Variants in SSPN observed in about 807,000 individuals in gnomAD.
The protein encoded by SSPN is K-ras oncogene-associated protein.
SSPN carries 15 observed loss-of-function variants against 19.1 expected under a neutral mutation model. The ratio of observed to expected loss-of-function variants is 0.78; its 90% confidence interval spans 0.52 to 1.21. The LOEUF is 1.21. Among genes scored for constraint, SSPN ranks in the 50% most tolerant of loss-of-function variants. The pLI is 0.00. For missense variants in SSPN, 291 were observed against 314.0 expected, an observed-to-expected ratio of 0.93 and a Z score of 0.55; for synonymous variants, 147 against 140.3, an observed-to-expected ratio of 1.05 and a Z score of -0.34.
chr12:26,203,228 T>C (rs1164808428), intron 1 of SSPN, among the ~76,000 whole-genome samples: 1 of 152,200 alleles, frequency 6.6e-6, no homozygotes, highest in African/African-American at 2.4e-5. Flanking sequence ...AATCTAGTCA[T>C]TAAACTTTAA....
chr12:26,213,471 C>A (rs1254066914), intron 1 of SSPN, among the ~76,000 whole-genome samples: 1 of 151,754 alleles, frequency 6.6e-6, no homozygotes, highest in Non-Finnish European at 1.5e-5. Flanking sequence ...TTCACTAGAC[C>A]CAGAGCTAAC....
At chr12:26,214,443 T>G (rs1945025228) in intron 1 of SSPN, among the ~76,000 whole-genome samples, 1 of 152,206 alleles carries the variant, frequency 6.6e-6, no homozygotes, top group Non-Finnish European at 1.5e-5. Flanking sequence ...TGATATACAG[T>G]ATATTTGCTA....
intron 1 of SSPN, among the ~76,000 whole-genome samples, chr12:26,152,729 A>C (rs1196747257): frequency 6.6e-6 from 1 of 152,292 alleles, no homozygotes; most frequent in African/African-American, 2.4e-5. Flanking sequence ...TCCACACAGG[A>C]GGCAGTCATA....
intron 1 of SSPN, among the ~76,000 whole-genome samples, chr12:26,202,214 T>A (rs1944892465): frequency 6.6e-6 from 1 of 152,208 alleles, no homozygotes; most frequent in African/African-American, 2.4e-5. Context: ...ATCCTTTTTT[T>A]ATCCAAATGT....
chr12:26,196,397 A>C (rs1288043598), intron 1 of SSPN, among the ~76,000 whole-genome samples: 1 of 152,232 alleles, frequency 6.6e-6, no homozygotes, highest in Non-Finnish European at 1.5e-5. Flanking sequence ...TGGAGTTGCC[A>C]CATTGAGTAG....
chr12:26,216,550 T>C (rs1945052343), intron 1 of SSPN, among the ~76,000 whole-genome samples: 1 of 81,932 alleles, frequency 1.2e-5, no homozygotes. Context: ...TGGTAGTTTC[T>C]TTTGCTGTGC....
At chr12:26,141,963 T>C (rs1465656238) in intron 1 of SSPN, among the ~76,000 whole-genome samples, 1 of 152,148 alleles carries the variant, frequency 6.6e-6, no homozygotes, top group Non-Finnish European at 1.5e-5. Context: ...TGGCAGGCTC[T>C]CCAGAGGAAT....
intron 1 of SSPN, among the ~76,000 whole-genome samples, chr12:26,182,152 C>T (rs1377124896): frequency 1.3e-5 from 2 of 152,154 alleles, no homozygotes; most frequent in African/African-American, 4.8e-5. Flanking sequence ...GTCCTCTACT[C>T]GTAGTAAGAC....
intron 1 of SSPN, among the ~76,000 whole-genome samples, chr12:26,217,057 A>G (rs1945060403): frequency 6.7e-6 from 1 of 149,706 alleles, no homozygotes; most frequent in Admixed American, 6.6e-5. Flanking sequence ...TGGTGATGCG[A>G]GCTCTTTTTT....
chr12:26,190,495 C>A (rs1229387922), upstream of SSPN, among the ~76,000 whole-genome samples: 1 of 152,142 alleles, frequency 6.6e-6, no homozygotes, highest in African/African-American at 2.4e-5. Context: ...AGCTGAGAGT[C>A]GAGAGATAAC....
intron 1 of SSPN, among the ~76,000 whole-genome samples, chr12:26,161,931 A>G (rs538891264): frequency 1.3e-5 from 2 of 152,328 alleles, no homozygotes; most frequent in South Asian, 4.1e-4. Context: ...CGCTCACCCC[A>G]TGCTGTGCGG....
chr12:26,122,705 G>A (rs1314095935), intron 1 of SSPN: 32 of 1,579,422 alleles, frequency 2.0e-5, no homozygotes, highest in African/African-American at 2.8e-5. Context: ...AGTCCTCCCC[G>A]GGAGGCTCCT....
chr12:26,231,217 A>G lies in SSPN; in HGVS notation c.*141A>G. 1 of 1,221,510 alleles carries G rather than the reference A, an allele frequency of 8.2e-7. No homozygotes were observed. Among genetic ancestry groups the G allele is most frequent in the Non-Finnish European group, 1.1e-6 (1 of 919,440 alleles). The allele number at this position is 1,221,510 out of a possible 1,614,324, so 75.7% of individuals were successfully genotyped here. ...AATTGAATATTTTTATATTTTTATG[A>G]AACAAAAGAGCATTTCTTCAGGTTT... On this transcript the variant is annotated 3_prime_UTR_variant, in exon 3 of 3. Transcript: ENST00000242729.
chr12:26,176,070 C>T (rs948960070), intron 1 of SSPN, among the ~76,000 whole-genome samples: 1 of 152,168 alleles, frequency 6.6e-6, no homozygotes, highest in African/African-American at 2.4e-5. Flanking sequence ...CCCTTGACCT[C>T]GAGCAATCTG....
intron 1 of SSPN, among the ~76,000 whole-genome samples, chr12:26,134,531 G>A (rs1426334003): frequency 2.0e-5 from 3 of 152,228 alleles, no homozygotes; most frequent in Non-Finnish European, 2.9e-5. Flanking sequence ...GGACAGTGTT[G>A]AGCACAGAAC....
intron 1 of SSPN, chr12:26,122,641 C>CGCCGCCGCT: frequency 2.3e-6 from 3 of 1,303,626 alleles, no homozygotes; most frequent in Non-Finnish European, 2.9e-6. Context: ...CCCCCCGGGC[C>CGCCGCCGCT]GCCGCCGCTG....
chr12:26,220,095 T>C (rs12580885), intron 1 of SSPN, among the ~76,000 whole-genome samples: 39,207 of 151,712 alleles, frequency 0.26, 5,394 homozygotes, highest in East Asian at 0.5. Flanking sequence ...ACAAAACCAT[T>C]AGTCTACCAT....
chr12:26,158,785 TTA>T (rs1944570646), intron 1 of SSPN, among the ~76,000 whole-genome samples: 1 of 152,216 alleles, frequency 6.6e-6, no homozygotes, highest in East Asian at 1.9e-4. Flanking sequence ...AGTGGTTCCT[TTA>T]AAGCAAGGTG....
intron 1 of SSPN, among the ~76,000 whole-genome samples, chr12:26,174,532 T>A (rs371624801): frequency 1.2e-5 from 1 of 82,956 alleles, no homozygotes; most frequent in South Asian, 4.1e-4. Context: ...TTCCTTCCTT[T>A]CTTTTTTTGA....
Sources: allele counts gnomAD v4.1 joint callset (sites outside exome capture counted in the v4.1 genomes callset), GRCh38; gene constraint gnomAD v4.1.1; transcripts MANE v1.5; gene names NCBI Gene and HGNC (gene_info 2026-07-23, HGNC 2026-07-21).